EYS: variants seen among roughly 807,000 people sequenced by gnomAD.
EYS encodes the protein protein eyes shut homolog.
A neutral mutation model predicts 282.1 loss-of-function variants in EYS; 250 were observed. That is an observed-to-expected ratio of 0.89 (90% CI 0.80 to 0.98). EYS has a LOEUF of 0.98. Ranked by LOEUF, EYS falls within the 50% of genes least tolerant of loss-of-function variation. EYS has a pLI of 0.00. For missense variants in EYS, 4,016 were observed against 3,709.0 expected (o/e 1.08, Z -2.15); for synonymous variants, 1,355 against 1,282.9 (o/e 1.06, Z -1.20).
chr6:65,432,012 C>G (rs1484570428), intron 5 of EYS, among the ~76,000 whole-genome samples: 1 of 152,038 alleles, frequency 6.6e-6, no homozygotes, highest in Non-Finnish European at 1.5e-5. Context: ...TCACTAGATT[C>G]CTTCTGGAAA....
intron 24 of EYS, among the ~76,000 whole-genome samples, chr6:64,594,641 T>C (rs1366988805): frequency 1.5e-5 from 2 of 132,960 alleles, no homozygotes; most frequent in South Asian, 2.3e-4. Flanking sequence ...AATTGAACGA[T>C]GAGAACACAT....
At chr6:64,648,825 T>G (rs372415115) in intron 22 of EYS, among the ~76,000 whole-genome samples, 20 of 152,318 alleles carry the variant, frequency 1.3e-4, no homozygotes, top group African/African-American at 4.8e-4. Flanking sequence ...TTATGAAATT[T>G]CAGTAAAGCT....
At chr6:65,034,790 T>A (rs140638095) in intron 13 of EYS, among the ~76,000 whole-genome samples, 2,043 of 152,100 alleles carry the variant, frequency 0.013, 54 homozygotes, top group African/African-American at 0.047. Flanking sequence ...AGCCTAACAC[T>A]AGCTACTACA....
At chr6:64,732,172 C>T (rs1040508075) in intron 22 of EYS, among the ~76,000 whole-genome samples, 3 of 150,770 alleles carry the variant, frequency 2.0e-5, no homozygotes, top group African/African-American at 7.3e-5. Context: ...GGTTGGGGGG[C>T]AAGGGGAGGG....
Position 65,104,252 on chromosome 6 carries a change from T to C in EYS, c.2024-46525A>G, listed in dbSNP as rs113927746. On this transcript the variant is annotated intron_variant, in intron 12 of 42. Coordinates refer to ENST00000503581, the MANE Select transcript of EYS (RefSeq NM_001142800.2). ...TTTCTGAATGTTACTTATGAATTCA[T>C]GCTTTGTGGGAGAAACAGATTATTT... is the stretch of plus-strand genomic sequence containing the variant. Among the ~76,000 whole-genome samples the C allele has an allele frequency of 4.7e-3, 712 of 151,622 alleles. 4 individuals are homozygous for C. Among genetic ancestry groups the C allele is most frequent in the African/African-American group, 0.015 (615 of 41,498 alleles).
rs909296102 is a variant in EYS at position 63,937,431 on chromosome 6, A to AGTGCAGTGG, written c.7055+46943_7055+46951dup. Among the ~76,000 whole-genome samples the AGTGCAGTGG allele has an allele frequency of 6.9e-5, 8 of 116,328 alleles. No individual in the cohort carries two copies. In the East Asian group the frequency reaches 2.3e-3, roughly 33 times the overall value. The allele number at this position is 116,328 out of a possible 152,430, so 76.3% of individuals were successfully genotyped here. ...AGTCTCACTTTGTTGCCCAGGCTGG[A>AGTGCAGTGG]GTGCAGTGGCTCGATCTCGGCTCAC... On this transcript the variant is annotated intron_variant, in intron 35 of 42. Transcript: ENST00000503581.
At chr6:63,783,783 G>A (rs1770295382) in intron 39 of EYS, among the ~76,000 whole-genome samples, 3 of 152,180 alleles carry the variant, frequency 2.0e-5, no homozygotes, top group African/African-American at 7.2e-5. Flanking sequence ...GGGAAAATAA[G>A]ACATACAGAG....
chr6:64,893,038 AC>A (rs2150066777), intron 18 of EYS, among the ~76,000 whole-genome samples: 1 of 152,170 alleles, frequency 6.6e-6, no homozygotes, highest in East Asian at 1.9e-4. Context: ...TGCACTAGCC[AC>A]TGTTATTGTA....
At chr6:63,791,536 C>G (rs1770511775) in intron 37 of EYS, among the ~76,000 whole-genome samples, 1 of 149,270 alleles carries the variant, frequency 6.7e-6, no homozygotes, top group Non-Finnish European at 1.5e-5. Flanking sequence ...CGAGATCGTA[C>G]CACTGCACTC....
At chr6:65,020,758 C>T (rs950714725) in intron 13 of EYS, among the ~76,000 whole-genome samples, 1 of 152,192 alleles carries the variant, frequency 6.6e-6, no homozygotes, top group Non-Finnish European at 1.5e-5. Flanking sequence ...ATGAAGCCCA[C>T]CTCTGCCTGG....
chr6:64,210,080 A>G (rs1304460439), intron 31 of EYS, among the ~76,000 whole-genome samples: 1 of 152,180 alleles, frequency 6.6e-6, no homozygotes, highest in Non-Finnish European at 1.5e-5. Flanking sequence ...TACTTTCTAC[A>G]TATCATAAAC....
At chr6:65,282,982 T>A (rs1768266389) in intron 12 of EYS, among the ~76,000 whole-genome samples, 1 of 151,976 alleles carries the variant, frequency 6.6e-6, no homozygotes, top group East Asian at 1.9e-4. Flanking sequence ...CAAAATTAAA[T>A]ATATATACAT....
At chr6:65,189,127 C>T (rs575665098) in intron 12 of EYS, among the ~76,000 whole-genome samples, 62 of 150,858 alleles carry the variant, frequency 4.1e-4, no homozygotes, top group African/African-American at 1.5e-3. Flanking sequence ...GCTTAAGAGG[C>T]AAAAAGGTAA....
chr6:64,459,661 G>A (rs545238136), intron 26 of EYS, among the ~76,000 whole-genome samples: 4 of 152,240 alleles, frequency 2.6e-5, no homozygotes, highest in African/African-American at 9.6e-5. Context: ...TCTGATGTTT[G>A]AGGGCAGGAA....
At chr6:65,037,781 T>C (rs898425712) in intron 13 of EYS, among the ~76,000 whole-genome samples, 1 of 151,774 alleles carries the variant, frequency 6.6e-6, no homozygotes, top group Admixed American at 6.6e-5. Context: ...GTCAACTCTA[T>C]ACAATCTTAT....
intron 29 of EYS, among the ~76,000 whole-genome samples, chr6:64,384,193 G>A (rs900348754): frequency 6.6e-6 from 1 of 152,140 alleles, no homozygotes; most frequent in African/African-American, 2.4e-5. Context: ...GTAAGTCAAT[G>A]TCTTGAACAT....
chr6:63,889,473 T>C (rs1773352821), intron 35 of EYS, among the ~76,000 whole-genome samples: 1 of 152,148 alleles, frequency 6.6e-6, no homozygotes, highest in Non-Finnish European at 1.5e-5. Context: ...TATTCAACAT[T>C]CTTAAAGAAA....
chr6:63,891,736 G>T (rs1010842627), intron 35 of EYS, among the ~76,000 whole-genome samples: 2 of 152,058 alleles, frequency 1.3e-5, no homozygotes, highest in Non-Finnish European at 2.9e-5. Context: ...TCTGGCCAGG[G>T]GAATCAGGCA....
At chr6:64,241,657 TTGTGTG>T (rs367952253) in intron 30 of EYS, among the ~76,000 whole-genome samples, 3 of 149,260 alleles carry the variant, frequency 2.0e-5, no homozygotes, top group African/African-American at 4.9e-5. Flanking sequence ...TTGAAGGTTT[TTGTGTG>T]TGTGTGTGTG....
Sources: gnomAD v4.1 joint callset for allele counts (sites outside exome capture counted in the v4.1 genomes callset) on GRCh38, gnomAD v4.1.1 for gene constraint, MANE v1.5 for transcripts, NCBI Gene and HGNC (gene_info 2026-07-23, HGNC 2026-07-21) for gene names.